STAC: variants seen among roughly 807,000 people sequenced by gnomAD.
The protein encoded by STAC is SH3 and cysteine rich domain.
A neutral mutation model predicts 48.8 loss-of-function variants in STAC; 43 were observed. The ratio of observed to expected loss-of-function variants is 0.88; its 90% CI spans 0.69 to 1.14. The LOEUF (loss-of-function observed/expected upper bound fraction) is 1.14. Ranked by LOEUF, STAC falls within the 50% of genes most tolerant of loss-of-function variation. The probability of loss-of-function intolerance (pLI) is 0.00; values close to 1 mark genes in which losing one functional copy is unlikely to be tolerated. For missense variants in STAC, 497 were observed against 504.0 expected, an observed-to-expected ratio of 0.99 and a Z score of 0.13; for synonymous variants, 193 against 179.5, an observed-to-expected ratio of 1.07 and a Z score of -0.60.
chr3:36,389,361 G>A (rs1344642638), intron 1 of STAC, among the ~76,000 whole-genome samples: 3 of 152,070 alleles, frequency 2.0e-5, no homozygotes, highest in Non-Finnish European at 4.4e-5. Flanking sequence ...TGGTGGAAGG[G>A]GCAAGGTAGT....
intron 1 of STAC, among the ~76,000 whole-genome samples, chr3:36,382,625 T>C (rs1423664716): frequency 1.3e-5 from 2 of 152,180 alleles, no homozygotes; most frequent in Non-Finnish European, 2.9e-5. Context: ...CAATATTGTA[T>C]GCCTACATGT....
At chr3:36,415,701 C>T (rs575312366) in intron 1 of STAC, among the ~76,000 whole-genome samples, 5 of 152,288 alleles carry the variant, frequency 3.3e-5, no homozygotes, top group African/African-American at 4.8e-5. Context: ...CCATCTTCTG[C>T]GTCGCTCACG....
At chr3:36,520,371 T>C (rs1224533402) in intron 8 of STAC, among the ~76,000 whole-genome samples, 1 of 152,176 alleles carries the variant, frequency 6.6e-6, no homozygotes, top group East Asian at 1.9e-4. Flanking sequence ...CTGTGACTTA[T>C]CCAAAGATAG....
At chr3:36,521,799 G>A (rs1482810761) in intron 8 of STAC, among the ~76,000 whole-genome samples, 1 of 152,144 alleles carries the variant, frequency 6.6e-6, no homozygotes, top group African/African-American at 2.4e-5. Flanking sequence ...CAGTGATAAA[G>A]ACTTAACTTT....
At chr3:36,495,545 C>T (rs943944826) in intron 6 of STAC, among the ~76,000 whole-genome samples, 28 of 152,348 alleles carry the variant, frequency 1.8e-4, no homozygotes, top group African/African-American at 6.3e-4. Context: ...ACTCTATCTG[C>T]TGCTTCTCAA....
chr3:36,396,452 T>C (rs1699859789), intron 1 of STAC, among the ~76,000 whole-genome samples: 1 of 152,192 alleles, frequency 6.6e-6, no homozygotes, highest in Admixed American at 6.5e-5. Context: ...ATTACTACTA[T>C]ACAAAGTTAG....
intron 8 of STAC, among the ~76,000 whole-genome samples, chr3:36,525,644 T>C (rs531340656): frequency 2.0e-5 from 3 of 152,264 alleles, no homozygotes; most frequent in African/African-American, 7.2e-5. Flanking sequence ...TACTGACTCA[T>C]GGTTTCTTAG....
intron 1 of STAC, among the ~76,000 whole-genome samples, chr3:36,391,292 T>C (rs1029586360): frequency 6.6e-6 from 1 of 152,194 alleles, no homozygotes; most frequent in African/African-American, 2.4e-5. Flanking sequence ...CCTCTGCCCA[T>C]CTTTCAAATA....
chr3:36,471,618 G>A (rs1218091628), intron 2 of STAC, among the ~76,000 whole-genome samples: 2 of 152,184 alleles, frequency 1.3e-5, no homozygotes, highest in African/African-American at 4.8e-5. Context: ...AGCTGTTCCA[G>A]ATGGGAGAAA....
intron 6 of STAC, among the ~76,000 whole-genome samples, chr3:36,495,779 G>A (rs1559513534): frequency 2.0e-5 from 3 of 152,254 alleles, no homozygotes; most frequent in Non-Finnish European, 4.4e-5. Flanking sequence ...CCATCATACA[G>A]TCATAAAGTG....
At chr3:36,448,811 C>T (rs1696593343) in intron 2 of STAC, among the ~76,000 whole-genome samples, 2 of 151,848 alleles carry the variant, frequency 1.3e-5, no homozygotes, top group Non-Finnish European at 2.9e-5. Context: ...GGCACAGTAG[C>T]TTGCACCTGT....
chr3:36,486,256 A>T lies in STAC; in HGVS notation c.687+7A>T, dbSNP rs1324898436. 1 of 1,610,782 alleles carries T rather than the reference A, an allele frequency of 6.2e-7. No homozygotes were observed. Among genetic ancestry groups the T allele is most frequent in the Non-Finnish European group, 8.5e-7 (1 of 1,177,798 alleles). Reference sequence around the variant, plus strand: ...CTCACCTCACAGAACCTCTGTAATTATCCTCTTCCTTCCTCGGTTTGTCTG... The same window carrying T: ...CTCACCTCACAGAACCTCTGTAATTTTCCTCTTCCTTCCTCGGTTTGTCTG... On this transcript the variant is annotated splice_region_variant and intron_variant, in intron 5 of 10. Coordinates refer to ENST00000273183, the MANE Select transcript of STAC (RefSeq NM_003149.3).
At chr3:36,484,098 A>T (rs1165443768) in intron 3 of STAC, among the ~76,000 whole-genome samples, 2 of 152,322 alleles carry the variant, frequency 1.3e-5, no homozygotes, top group Non-Finnish European at 2.9e-5. Context: ...TTTAGACCTA[A>T]AATTTAGAAG....
chr3:36,439,269 T>G (rs762974883), intron 1 of STAC, among the ~76,000 whole-genome samples: 7 of 152,178 alleles, frequency 4.6e-5, no homozygotes, highest in Non-Finnish European at 8.8e-5. Context: ...AGGATTAAGA[T>G]AGGTCGCCTG....
At chr3:36,401,476 T>C (rs1252881863) in intron 1 of STAC, among the ~76,000 whole-genome samples, 2 of 152,164 alleles carry the variant, frequency 1.3e-5, no homozygotes, top group South Asian at 2.1e-4. Context: ...ATTGGAACTA[T>C]AGTTAGAAAT....
intron 7 of STAC, 38 bp downstream of exon 7, chr3:36,504,495 G>T (rs756587740): frequency 1.7e-5 from 27 of 1,594,616 alleles, no homozygotes; most frequent in Non-Finnish European, 2.2e-5. Flanking sequence ...TCAGACAGGA[G>T]TCCTTAGATA....
intron 2 of STAC, among the ~76,000 whole-genome samples, chr3:36,445,958 C>T (rs1326025458): frequency 2.0e-5 from 3 of 152,212 alleles, no homozygotes; most frequent in African/African-American, 7.2e-5. Flanking sequence ...GCCTTCCCAA[C>T]ACCTGTGCCT....
chr3:36,488,295 G>C (rs1391650224), intron 5 of STAC, among the ~76,000 whole-genome samples: 1 of 152,168 alleles, frequency 6.6e-6, no homozygotes, highest in Non-Finnish European at 1.5e-5. Flanking sequence ...TTATTGTGAA[G>C]TTAAACAAGG....
chr3:36,497,949 A>G (rs1051688727), intron 6 of STAC, among the ~76,000 whole-genome samples: 1 of 152,190 alleles, frequency 6.6e-6, no homozygotes, highest in African/African-American at 2.4e-5. Flanking sequence ...CCCTCTCTAG[A>G]GGAAGAAAAT....
Sources: allele counts gnomAD v4.1 joint callset (sites outside exome capture counted in the v4.1 genomes callset), GRCh38; gene constraint gnomAD v4.1.1; transcripts MANE v1.5; gene names NCBI Gene and HGNC (gene_info 2026-07-23, HGNC 2026-07-21).